The following MED12L variants were observed in gnomAD, a reference collection of about 807,000 sequenced individuals.
MED12L encodes mediator complex subunit 12L.
In MED12L, 60 loss-of-function variants were observed where a neutral mutation model predicts 281.3. The observed-to-expected ratio is 0.21, with a 90% CI of 0.17 to 0.26. MED12L has a LOEUF of 0.26. MED12L is among the 10% of genes least tolerant of loss of function. MED12L has a pLI of 1.00. For missense variants in MED12L, 2,146 were observed against 2,680.9 expected (o/e 0.80, Z 4.41); for synonymous variants, 974 against 987.2 (o/e 0.99, Z 0.25).
chr3:151,356,720 T>C lies in MED12L; in HGVS notation c.2662-493T>C, dbSNP rs183431091. 1.5e-3 allele frequency among the ~76,000 whole-genome samples: 223 copies of C among 152,328 alleles called. 3 individuals are homozygous for C. Among genetic ancestry groups the C allele is most frequent in the Non-Finnish European group, 2.1e-4 (14 of 68,020 alleles). ...TTGCTCTTTATAATAGAGCATGTTT[T>C]AGGTTAAGAGCCAGAACAAACCTTA... On this transcript the variant is annotated intron_variant, in intron 19 of 44. Coordinates refer to ENST00000687756, the MANE Select transcript of MED12L (RefSeq NM_001393769.1).
At chr3:151,269,866 C>G in intron 16 of MED12L, 1 of 458,396 alleles carries the variant, frequency 2.2e-6, no homozygotes, top group Non-Finnish European at 4.3e-6. Context: ...AGAGGCAGCA[C>G]GAAGAACCAG....
chr3:151,181,076 G>C (rs1280708123), intron 11 of MED12L, among the ~76,000 whole-genome samples: 1 of 145,568 alleles, frequency 6.9e-6, no homozygotes, highest in Non-Finnish European at 1.5e-5. Flanking sequence ...CGGTGGTTAA[G>C]TTTGCTGGCA....
At chr3:151,243,475 G>A (rs1394398421) in intron 16 of MED12L, among the ~76,000 whole-genome samples, 3 of 152,146 alleles carry the variant, frequency 2.0e-5, no homozygotes, top group Non-Finnish European at 2.9e-5. Flanking sequence ...CATTCTTAAA[G>A]ACAAGAATTT....
At chr3:151,344,852 G>A (rs1752337124) in intron 16 of MED12L, among the ~76,000 whole-genome samples, 3 of 152,168 alleles carry the variant, frequency 2.0e-5, no homozygotes, top group African/African-American at 4.8e-5. Flanking sequence ...TGTGAGTAAG[G>A]TGAAAGGATA....
chr3:151,381,854 G>C lies in MED12L; in HGVS notation c.4591-802G>C, dbSNP rs144133240. On this transcript the variant is annotated intron_variant, in intron 32 of 44. Coordinates refer to ENST00000687756, the MANE Select transcript of MED12L (RefSeq NM_001393769.1). ...GAAGTGCTTTCCTCTCACCTTGCAG[G>C]GTACTTACAGGTCATCTGTTGGGAT... is the stretch of plus-strand genomic sequence containing the variant. Among the ~76,000 whole-genome samples, 217 of 152,184 alleles carry C rather than the reference G, an allele frequency of 1.4e-3. 3 individuals are homozygous for C. Among genetic ancestry groups the C allele is most frequent in the African/African-American group, 4.7e-3 (197 of 41,516 alleles).
At chr3:151,132,301 G>C (rs1245281528) in intron 5 of MED12L, among the ~76,000 whole-genome samples, 1 of 152,130 alleles carries the variant, frequency 6.6e-6, no homozygotes, top group Non-Finnish European at 1.5e-5. Flanking sequence ...CCAGACATCA[G>C]TCTTTTCAAC....
At chr3:151,204,582 TATGCTTCA>T (rs1726101137) in intron 16 of MED12L, among the ~76,000 whole-genome samples, 1 of 152,228 alleles carries the variant, frequency 6.6e-6, no homozygotes, top group Non-Finnish European at 1.5e-5. Context: ...TTAAGATATG[TATGCTTCA>T]ACATTGTACA....
Position 151,213,884 on chromosome 3 carries a change from C to T in MED12L, c.2250+20218C>T, listed in dbSNP as rs528781113. On this transcript the variant is annotated intron_variant, in intron 16 of 44. Coordinates refer to ENST00000687756, the MANE Select transcript of MED12L (RefSeq NM_001393769.1). Reference sequence around the variant, plus strand: ...GCAAGGAGGAGCATGAGCATCCATACTATCACTGACAGAAGTTTGCTGTAA... The same window carrying T: ...GCAAGGAGGAGCATGAGCATCCATATTATCACTGACAGAAGTTTGCTGTAA... The T allele has an allele frequency of 8.9e-5, 143 of 1,614,002 alleles. 1 individual carries two copies. The South Asian group carries it at 1.4e-3, about 16-fold the overall frequency.
intron 33 of MED12L, 37 bp downstream of exon 33, chr3:151,382,782 A>G (rs763545988): frequency 1.6e-5 from 24 of 1,527,008 alleles, no homozygotes; most frequent in East Asian, 2.3e-5. Flanking sequence ...TCCATTAAAC[A>G]TATTTACATG....
At position 151,338,873 on chromosome 3, in the gene MED12L, G is replaced by T. The variant is rs1329757141; in HGVS notation, c.2251-11186G>T. 4 of 1,607,198 alleles carry T rather than the reference G, an allele frequency of 2.5e-6. No homozygotes were observed. In the South Asian group the frequency reaches 3.3e-5, roughly 13 times the overall value. On this transcript the variant is annotated intron_variant, in intron 16 of 44. Coordinates refer to ENST00000687756, the MANE Select transcript of MED12L (RefSeq NM_001393769.1). ...CTTGTTGGTTACCTAGAGAACAAAA[G>T]AGAGGATGGTTATTTTCAGCCTAAG...
intron 16 of MED12L, chr3:151,198,611 G>T (rs1318776044): frequency 1.9e-6 from 3 of 1,613,958 alleles, no homozygotes; most frequent in Non-Finnish European, 2.5e-6. Context: ...TGAAATCCTG[G>T]TTGAGCAATC....
At chr3:151,236,293 T>G (rs1732776635) in intron 16 of MED12L, among the ~76,000 whole-genome samples, 1 of 152,224 alleles carries the variant, frequency 6.6e-6, no homozygotes, top group African/African-American at 2.4e-5. Context: ...AAATGTACTT[T>G]TATATTTTGA....
chr3:151,352,135 C>A (rs1753312002), intron 17 of MED12L, among the ~76,000 whole-genome samples: 1 of 152,160 alleles, frequency 6.6e-6, no homozygotes, highest in East Asian at 1.9e-4. Flanking sequence ...TATATACATA[C>A]CCTGAAGGTA....
chr3:151,320,997 G>C (rs1226244771), intron 16 of MED12L, among the ~76,000 whole-genome samples: 3 of 152,148 alleles, frequency 2.0e-5, no homozygotes, highest in African/African-American at 7.2e-5. Flanking sequence ...TAGTTCCACA[G>C]TGTTTGGAAC....
chr3:151,420,552 A>G (rs1286654326), intron 43 of MED12L, among the ~76,000 whole-genome samples: 1 of 152,152 alleles, frequency 6.6e-6, no homozygotes, highest in African/African-American at 2.4e-5. Context: ...TATGGGAGAA[A>G]CAGTACTATA....
intron 39 of MED12L, among the ~76,000 whole-genome samples, chr3:151,406,155 TA>T (rs1716275924): frequency 6.6e-6 from 1 of 152,234 alleles, no homozygotes; most frequent in South Asian, 2.1e-4. Flanking sequence ...ACATGTTAGA[TA>T]GTCTGTTCTT....
intron 15 of MED12L, 88 bp from the exon 16 acceptor site, chr3:151,193,402 C>T: frequency 1.0e-6 from 1 of 970,192 alleles, no homozygotes; most frequent in Admixed American, 2.4e-5. Flanking sequence ...GTATAAGTGT[C>T]TTATGTGTGT....
intron 16 of MED12L, among the ~76,000 whole-genome samples, chr3:151,312,708 A>C (rs1196803210): frequency 6.6e-6 from 1 of 152,184 alleles, no homozygotes; most frequent in South Asian, 2.1e-4. Context: ...AATGCTGGCT[A>C]GTATTATTGT....
Position 151,244,263 on chromosome 3 carries a change from G to A in MED12L, c.2250+50597G>A, listed in dbSNP as rs1339577229. Among the ~76,000 whole-genome samples, 449 of 130,162 alleles carry A rather than the reference G, an allele frequency of 3.4e-3. 4 individuals carry two copies. Among genetic ancestry groups the A allele is most frequent in the African/African-American group, 0.011 (413 of 36,972 alleles). The allele number at this position is 130,162 out of a possible 152,430, so 85.4% of individuals were successfully genotyped here. ...AATTGAACTCAGCTCTGCACCAAGCGGACCTAATAGACATCTACAGAACTC... is the reference window on the plus strand; with the variant it reads ...AATTGAACTCAGCTCTGCACCAAGCAGACCTAATAGACATCTACAGAACTC... On this transcript the variant is annotated intron_variant, in intron 16 of 44. Transcript: ENST00000687756.
Sources: gnomAD v4.1 joint callset for allele counts (sites outside exome capture counted in the v4.1 genomes callset) on GRCh38, gnomAD v4.1.1 for gene constraint, MANE v1.5 for transcripts, NCBI Gene and HGNC (gene_info 2026-07-23, HGNC 2026-07-21) for gene names.